The following PCDHA8 variants were observed in gnomAD, a reference collection of about 807,000 sequenced individuals.
The protein encoded by PCDHA8 is protocadherin alpha 8.
A neutral mutation model predicts 61.8 loss-of-function variants in PCDHA8; 53 were observed. The ratio of observed to expected loss-of-function variants is 0.86; its 90% CI spans 0.69 to 1.08. The LOEUF (loss-of-function observed/expected upper bound fraction) is 1.08, where lower values mean the gene tolerates loss of function less well. Among genes scored for constraint, PCDHA8 ranks in the 50% least tolerant of loss-of-function variants. The pLI is 0.00. For missense variants in PCDHA8, 1,293 were observed against 1,245.0 expected, an observed-to-expected ratio of 1.04 and a Z score of -0.58; for synonymous variants, 618 against 556.6, an observed-to-expected ratio of 1.11 and a Z score of -1.55.
At position 140,969,519 on chromosome 5, in the gene PCDHA8, G is replaced by A. The variant is rs1586385280; in HGVS notation, c.2395-9430G>A. On this transcript the variant is annotated intron_variant, in intron 1 of 3. Transcript: ENST00000531613. ...TCTAGAAAAATAGCACTAAAGAATTGTTTTATTTTTCATTTTCAGAGGCAT... is the reference window on the plus strand; with the variant it reads ...TCTAGAAAAATAGCACTAAAGAATTATTTTATTTTTCATTTTCAGAGGCAT... The A allele has an allele frequency of 3.6e-6, 5 of 1,406,074 alleles. No individual in the cohort carries two copies. The East Asian group carries it at 1.3e-4, about 35-fold the overall frequency. 87.1% of individuals were successfully genotyped at this position (1,406,074 alleles called of 1,614,324 possible). A position where few individuals can be genotyped will look rare whatever the true frequency, so the allele number is the denominator to read the frequency against.
At chr5:140,883,871 G>A (rs1554180366) in intron 1 of PCDHA8, 2 of 1,613,242 alleles carry the variant, frequency 1.2e-6, no homozygotes, top group African/African-American at 2.7e-5. Context: ...GCAGTTCCAG[G>A]TGAGCGCGCG....
chr5:140,885,516 T>A (rs1235698672), intron 1 of PCDHA8, among the ~76,000 whole-genome samples: 2 of 152,198 alleles, frequency 1.3e-5, no homozygotes, highest in Non-Finnish European at 2.9e-5. Flanking sequence ...TGCTGTGCTA[T>A]CATTTCATAT....
chr5:140,917,131 G>A (rs572644426), intron 1 of PCDHA8, among the ~76,000 whole-genome samples: 28 of 152,190 alleles, frequency 1.8e-4, no homozygotes, highest in African/African-American at 5.8e-4. Context: ...GACTCCCCAC[G>A]TTGCTCAGCT....
chr5:140,868,981 G>T, intron 1 of PCDHA8: 1 of 1,492,270 alleles, frequency 6.7e-7, no homozygotes, highest in Non-Finnish European at 9.0e-7. Context: ...CATCATACCG[G>T]ATGCCACCGT....
At chr5:140,862,660 G>C (rs569424242) in intron 1 of PCDHA8, 56 of 546,542 alleles carry the variant, frequency 1.0e-4, no homozygotes, top group African/African-American at 8.2e-4. Flanking sequence ...GCGGGACCGG[G>C]ACGCGCAGGA....
chr5:140,927,308 C>T (rs782694957), intron 1 of PCDHA8: 3 of 1,614,186 alleles, frequency 1.9e-6, no homozygotes, highest in Non-Finnish European at 2.5e-6. Flanking sequence ...TTCCTGACGC[C>T]CGGAGCCCGC....
intron 1 of PCDHA8, among the ~76,000 whole-genome samples, chr5:140,915,981 C>T (rs11167655): frequency 0.33 from 49,706 of 151,966 alleles, 8,424 homozygotes; most frequent in East Asian, 0.53. Flanking sequence ...TATTTGACTA[C>T]GGCTAAGCTG....
chr5:140,960,482 G>GTGTA (rs1585840878), intron 1 of PCDHA8, among the ~76,000 whole-genome samples: 1 of 152,150 alleles, frequency 6.6e-6, no homozygotes, highest in Non-Finnish European at 1.5e-5. Context: ...TTACACAGAG[G>GTGTA]TGTAGGTTTG....
intron 1 of PCDHA8, chr5:140,858,100 C>A (rs368579908): frequency 1.9e-6 from 3 of 1,597,702 alleles, no homozygotes; most frequent in South Asian, 1.1e-5. Context: ...CTTCAGTGGG[C>A]GTGGCGCCCG....
chr5:140,856,342 C>T (rs1286159283), intron 1 of PCDHA8: 3 of 1,598,498 alleles, frequency 1.9e-6, no homozygotes, highest in Non-Finnish European at 2.6e-6. Context: ...GCGGGCGGAG[C>T]GTGGAGTGCA....
intron 1 of PCDHA8, chr5:140,929,943 A>G (rs996777609): frequency 1.3e-5 from 2 of 152,224 alleles, no homozygotes; most frequent in African/African-American, 4.8e-5. Flanking sequence ...TCTCTAGCCT[A>G]TACTTTTAAT....
At chr5:140,883,410 C>T in intron 1 of PCDHA8, 2 of 1,614,180 alleles carry the variant, frequency 1.2e-6, no homozygotes, top group Non-Finnish European at 1.7e-6. Flanking sequence ...GACTCTGGCT[C>T]AAATGGACAG....
chr5:140,884,935 A>G lies in PCDHA8; in HGVS notation c.2394+41220A>G, dbSNP rs577267570. ...AATAGTTCTAAGTATTTATCTTGCA[A>G]TTGAGCATTTACAAAAAATTCCTCA... On this transcript the variant is annotated intron_variant, in intron 1 of 3. Coordinates refer to ENST00000531613, the MANE Select transcript of PCDHA8 (RefSeq NM_018911.3). Among the ~76,000 whole-genome samples, 4 of 152,344 alleles carry G rather than the reference A, an allele frequency of 2.6e-5. No homozygotes were observed. In the East Asian group the frequency reaches 5.8e-4, roughly 22 times the overall value.
intron 1 of PCDHA8, among the ~76,000 whole-genome samples, chr5:140,888,414 T>C (rs530730994): frequency 2.6e-5 from 4 of 152,170 alleles, no homozygotes; most frequent in Non-Finnish European, 5.9e-5. Context: ...CTGCCAAACA[T>C]CCTACCGTGC....
At chr5:140,852,612 C>T (rs1177069451) in intron 1 of PCDHA8, 3 of 914,508 alleles carry the variant, frequency 3.3e-6, no homozygotes, top group Non-Finnish European at 4.0e-6. Context: ...TCTTTCAAAA[C>T]TTGAGTGGTC....
chr5:140,863,155 T>G (rs1554157838), intron 1 of PCDHA8: 1 of 635,268 alleles, frequency 1.6e-6, no homozygotes, highest in Admixed American at 1.9e-5. Context: ...GAAGGACCAC[T>G]GCGAGCTGGC....
chr5:140,916,161 G>C (rs1469456505), intron 1 of PCDHA8, among the ~76,000 whole-genome samples: 2 of 152,084 alleles, frequency 1.3e-5, no homozygotes, highest in African/African-American at 2.4e-5. Flanking sequence ...GGTGAATGCT[G>C]CCAGGCCTGG....
At chr5:140,926,441 A>T (rs1476576189) in intron 1 of PCDHA8, 1 of 154,800 alleles carries the variant, frequency 6.5e-6, no homozygotes, top group Non-Finnish European at 1.4e-5. Context: ...AGATCTGGGC[A>T]GCCTCAGGGC....
At chr5:140,921,071 T>C (rs2080004942) in intron 1 of PCDHA8, among the ~76,000 whole-genome samples, 1 of 152,054 alleles carries the variant, frequency 6.6e-6, no homozygotes, top group Admixed American at 6.6e-5. Flanking sequence ...CCTTGAACTC[T>C]TGGGCTCAAG....
Sources: allele counts gnomAD v4.1 joint callset (sites outside exome capture counted in the v4.1 genomes callset), GRCh38; gene constraint gnomAD v4.1.1; transcripts MANE v1.5; gene names NCBI Gene and HGNC (gene_info 2026-07-23, HGNC 2026-07-21).